The following FBXL4 variants were observed in gnomAD, a reference collection of about 807,000 sequenced individuals.
The protein encoded by FBXL4 is F-box/LRR-repeat protein 4.
FBXL4 carries 40 observed loss-of-function variants against 58.9 expected under a neutral mutation model. That is an observed-to-expected ratio of 0.68 (90% CI 0.53 to 0.88). The LOEUF is 0.88. Among genes scored for constraint, FBXL4 ranks in the 40% least tolerant of loss-of-function variants. The pLI, the probability that FBXL4 is intolerant of heterozygous loss-of-function variation, is 0.00. For missense variants in FBXL4, 676 were observed against 734.4 expected (o/e 0.92, Z 0.92); for synonymous variants, 263 against 265.5 (o/e 0.99, Z 0.09).
chr6:98,935,683 G>T (rs2128410319), intron 1 of FBXL4, among the ~76,000 whole-genome samples: 1 of 151,252 alleles, frequency 6.6e-6, no homozygotes, highest in Admixed American at 6.6e-5. Context: ...CAGCTACTCG[G>T]GAGGCTGAGG....
At chr6:98,875,349 G>C (rs1277794051) in intron 9 of FBXL4, 66 bp downstream of exon 9, 1 of 1,541,592 alleles carries the variant, frequency 6.5e-7, no homozygotes, top group Non-Finnish European at 8.9e-7. Context: ...CTAACAAAAA[G>C]TCTGAGATTG....
rs1199112159 is a variant in FBXL4, at chr6:98,905,454, C to T, written c.1075G>A (p.Gly359Ser). 4 of 1,614,004 alleles carry T rather than the reference C, an allele frequency of 2.5e-6. No individual in the cohort carries two copies. The highest frequency in any genetic ancestry group is 3.4e-6 in the Non-Finnish European group (4 of 1,179,928). Residue 359 changes from glycine to serine, a missense_variant, in exon 6 of 10, where the codon GGC becomes AGC. Gly to Ser is a moderately conservative substitution (Grantham distance 56). Coordinates refer to ENST00000369244, the MANE Select transcript of FBXL4 (RefSeq NM_001278716.2). ...WLNLSWTGNRGFISVAGFSRF... is the reference protein window; with the variant it reads ...WLNLSWTGNRSFISVAGFSRF... ...CTAAATCCTGCAACAGAGATGAAGC[C>T]TCTATTGCCAGTCCAAGATAAATTA...
At chr6:98,904,561 C>T (rs1401407278) in intron 6 of FBXL4, among the ~76,000 whole-genome samples, 2 of 152,122 alleles carry the variant, frequency 1.3e-5, no homozygotes, top group Non-Finnish European at 2.9e-5. Context: ...AATTCATAAA[C>T]CACTGTTGTA....
At chr6:98,910,686 T>TG (rs1049227360) in intron 5 of FBXL4, among the ~76,000 whole-genome samples, 1 of 146,218 alleles carries the variant, frequency 6.8e-6, no homozygotes, top group Non-Finnish European at 1.5e-5. Flanking sequence ...AAAAGTATTG[T>TG]GGGGGGAGGA....
In FBXL4 at chr6:98,874,310, T is replaced by C; in HGVS notation, c.1834A>G (p.Lys612Glu). The change falls in exon 10 of 10, where the codon AAA becomes GAA. Residue 612 changes from lysine (K) to glutamate (E), a missense_variant. By Grantham distance (56) the Lys-to-Glu change is moderately conservative. Transcript: ENST00000369244. ...AVLELNASFP[K>E]VFIKKSFTQ is the part of the protein sequence containing the mutation. ...GTAAAGCTCTTTTTTATGAACACTT[T>C]TGGAAAGCTTGCATTCAGTTCTAGC... is the stretch of plus-strand genomic sequence containing the variant. The C allele has an allele frequency of 6.2e-7, 1 of 1,606,176 alleles. No individual in the cohort carries two copies. Among genetic ancestry groups the C allele is most frequent in the South Asian group, 1.1e-5 (1 of 89,470 alleles).
rs2128372627 is a variant in FBXL4 at position 98,870,312 on chromosome 6, AC to A, written c.*3965del. 6.6e-6 allele frequency: 1 copy of A among 152,354 alleles called. No individual in the cohort carries two copies. The highest frequency in any genetic ancestry group is 1.9e-4 in the East Asian group (1 of 5,186). The allele number at this position is 152,354 out of a possible 1,614,324, so 9.4% of individuals were successfully genotyped here. ...AGCCAAATCCAGCCAGCTCATAAGA[AC>A]AGTTTCACATTTTCTAATGGCTGAA... is the stretch of plus-strand genomic sequence containing the variant. On this transcript the variant is annotated 3_prime_UTR_variant, in exon 10 of 10. Transcript: ENST00000369244.
chr6:98,947,122 T>C (rs992529306), intron 1 of FBXL4, among the ~76,000 whole-genome samples: 1 of 152,262 alleles, frequency 6.6e-6, no homozygotes, highest in Non-Finnish European at 1.5e-5. Flanking sequence ...TATACCATCT[T>C]CACCTTCTAT....
chr6:98,913,120 G>C (rs1772167653), intron 5 of FBXL4, among the ~76,000 whole-genome samples: 1 of 152,204 alleles, frequency 6.6e-6, no homozygotes, highest in African/African-American at 2.4e-5. Flanking sequence ...TCAACAAGAA[G>C]AGCTAACTGT....
At chr6:98,897,057 A>AT (rs1449560780) in intron 7 of FBXL4, 9 of 984,294 alleles carry the variant, frequency 9.1e-6, no homozygotes, top group Non-Finnish European at 9.7e-6. Flanking sequence ...GCAAGTTAAT[A>AT]TTTTTTTGGT....
At chr6:98,934,285 A>G (rs1773120675) in intron 2 of FBXL4, among the ~76,000 whole-genome samples, 1 of 152,088 alleles carries the variant, frequency 6.6e-6, no homozygotes, top group Non-Finnish European at 1.5e-5. Flanking sequence ...GAGATAACCT[A>G]CAAGTTAAGA....
chr6:98,879,986 C>G (rs993180237), intron 8 of FBXL4, among the ~76,000 whole-genome samples: 2 of 146,950 alleles, frequency 1.4e-5, no homozygotes, highest in East Asian at 4.0e-4. Flanking sequence ...GACTTTGAAG[C>G]TTATCTAGTC....
intron 7 of FBXL4, chr6:98,898,808 T>G: frequency 1.0e-6 from 1 of 985,330 alleles, no homozygotes; most frequent in Non-Finnish European, 1.2e-6. Flanking sequence ...AAAAAGCAAG[T>G]AGACTAATAT....
At chr6:98,929,922 A>G (rs1370916638) in intron 2 of FBXL4, among the ~76,000 whole-genome samples, 1 of 152,220 alleles carries the variant, frequency 6.6e-6, no homozygotes, top group Non-Finnish European at 1.5e-5. Context: ...CCATGCATAG[A>G]GTGTGGGCCT....
rs1770567713 is a variant in FBXL4 at position 98,874,104 on chromosome 6, T to C, written c.*174A>G. On this transcript the variant is annotated 3_prime_UTR_variant, in exon 10 of 10. Coordinates refer to ENST00000369244, the MANE Select transcript of FBXL4 (RefSeq NM_001278716.2). ...GAAGAGAAGTGCTTGCAGTATTTTA[T>C]GAAAACATTTGTGCACATTTTTACT... 1 of 482,678 alleles carries C rather than the reference T, an allele frequency of 2.1e-6. No homozygotes were observed. The highest frequency in any genetic ancestry group is 4.8e-5 in the South Asian group (1 of 20,878). 29.9% of individuals were successfully genotyped at this position (482,678 alleles called of 1,614,324 possible). A position where few individuals can be genotyped will look rare whatever the true frequency, so the allele number is the denominator to read the frequency against.
chr6:98,908,496 T>C (rs1771902123), intron 5 of FBXL4, among the ~76,000 whole-genome samples: 1 of 152,198 alleles, frequency 6.6e-6, no homozygotes, highest in Non-Finnish European at 1.5e-5. Flanking sequence ...TGCATGTATG[T>C]TCATCTTGGC....
At position 98,874,203 on chromosome 6, in the gene FBXL4, AAAC is replaced by A; in HGVS notation, c.*72_*74del. On this transcript the variant is annotated 3_prime_UTR_variant, in exon 10 of 10. Coordinates refer to ENST00000369244, the MANE Select transcript of FBXL4 (RefSeq NM_001278716.2). ...TAATTCTTACCATTAAAACAACTAA[AAAC>A]AAAACCCAAAACCAATCCCAAAATT... is the stretch of plus-strand genomic sequence containing the variant. 1 of 1,241,670 alleles carries A rather than the reference AAAC, an allele frequency of 8.1e-7. No individual in the cohort carries two copies. 76.9% of individuals were successfully genotyped at this position (1,241,670 alleles called of 1,614,324 possible).
chr6:98,942,866 G>A (rs899162300), intron 1 of FBXL4, among the ~76,000 whole-genome samples: 1 of 152,036 alleles, frequency 6.6e-6, no homozygotes, highest in African/African-American at 2.4e-5. Context: ...AGTTATAGAT[G>A]GTTTCAGAAT....
intron 8 of FBXL4, among the ~76,000 whole-genome samples, chr6:98,876,948 A>T (rs1434049457): frequency 6.6e-6 from 1 of 152,158 alleles, no homozygotes; most frequent in Non-Finnish European, 1.5e-5. Context: ...TTATTTACAT[A>T]AAAACTGACA....
In FBXL4 at chr6:98,926,573, G is replaced by C. The variant is rs770564931; in HGVS notation, c.416C>G (p.Ala139Gly). 6.2e-7 allele frequency: 1 copy of C among 1,614,140 alleles called. No homozygotes were observed. Among genetic ancestry groups the C allele is most frequent in the Non-Finnish European group, 8.5e-7 (1 of 1,180,012 alleles). ...LTFEQQVYPT[A>G]VHVLETYHPG... ...ATGATAGGTTTCTAGAACATGTACAGCTGTAGGATACACCTGTTGTTCAAA... is the reference window on the plus strand; with the variant it reads ...ATGATAGGTTTCTAGAACATGTACACCTGTAGGATACACCTGTTGTTCAAA... The change falls in exon 4 of 10, where the codon GCT (alanine) becomes GGT (glycine). Residue 139 changes from alanine (A) to glycine (G), a missense_variant. By Grantham distance (60) the Ala-to-Gly change is moderately conservative. Transcript: ENST00000369244.
Sources: gnomAD v4.1 joint callset for allele counts (sites outside exome capture counted in the v4.1 genomes callset) on GRCh38, gnomAD v4.1.1 for gene constraint, MANE v1.5 for transcripts, NCBI Gene and HGNC (gene_info 2026-07-23, HGNC 2026-07-21) for gene names.